RGS6: variants seen among roughly 807,000 people sequenced by gnomAD.
RGS6 encodes the protein regulator of G-protein signaling 6.
Under a neutral mutation model 78.5 loss-of-function variants are expected in RGS6, and 30 were observed. The ratio of observed to expected loss-of-function variants is 0.38; its 90% CI spans 0.29 to 0.52. RGS6 has a LOEUF of 0.52. Among genes scored for constraint, RGS6 ranks in the 20% least tolerant of loss-of-function variants. The pLI, the probability that RGS6 is intolerant of heterozygous loss-of-function variation, is 0.85. For synonymous variants in RGS6, 206 were observed against 206.0 expected, an observed-to-expected ratio of 1.00 and a Z score of 0.00; for missense variants, 495 against 609.7, an observed-to-expected ratio of 0.81 and a Z score of 1.98.
At chr14:71,910,416 CT>C in the RGS6 span, among the ~76,000 whole-genome samples, 1 of 152,196 alleles carries the variant, frequency 6.6e-6, no homozygotes, top group East Asian at 1.9e-4. Context: ...GACTGCTTCT[CT>C]TTGTCCTGTC....
chr14:72,562,124 T>C (rs1234322878), intron 17 of RGS6, among the ~76,000 whole-genome samples: 1 of 152,312 alleles, frequency 6.6e-6, no homozygotes, highest in East Asian at 1.9e-4. Flanking sequence ...AAGGTTTAAA[T>C]ACCTGGTTTT....
intron 2 of RGS6, among the ~76,000 whole-genome samples, chr14:71,981,498 G>C (rs1595609570): frequency 6.6e-6 from 1 of 151,694 alleles, no homozygotes; most frequent in Non-Finnish European, 1.5e-5. Flanking sequence ...CTCAGCTGCA[G>C]GTCTGTTGGA....
chr14:72,507,741 T>C (rs10142423), intron 13 of RGS6, among the ~76,000 whole-genome samples: 2,124 of 152,258 alleles, frequency 0.014, 42 homozygotes, highest in African/African-American at 0.047. Context: ...CACTACAAAG[T>C]CTGAGTGAAT....
chr14:72,400,787 C>T (rs567299007), intron 3 of RGS6, among the ~76,000 whole-genome samples: 2 of 152,248 alleles, frequency 1.3e-5, no homozygotes, highest in Non-Finnish European at 2.9e-5. Flanking sequence ...AGCCCATCCT[C>T]CACCTACCTT....
the RGS6 span, among the ~76,000 whole-genome samples, chr14:71,875,309 C>G: frequency 6.6e-6 from 1 of 152,128 alleles, no homozygotes; most frequent in African/African-American, 2.4e-5. Context: ...TTAATTATTG[C>G]CTCAATTTCA....
chr14:72,409,144 A>C (rs760591756), intron 3 of RGS6, among the ~76,000 whole-genome samples: 1 of 152,214 alleles, frequency 6.6e-6, no homozygotes, highest in Non-Finnish European at 1.5e-5. Flanking sequence ...AGTCAACAAA[A>C]ATGGAACCTG....
chr14:71,924,390 T>A, the RGS6 span, among the ~76,000 whole-genome samples: 1 of 152,252 alleles, frequency 6.6e-6, no homozygotes, highest in Non-Finnish European at 1.5e-5. Context: ...ACCTTTTTGG[T>A]GTGCTTGGTT....
At chr14:72,042,129 C>CTTTTTTTTTTTTTT (rs202194668) in intron 2 of RGS6, among the ~76,000 whole-genome samples, 1 of 134,522 alleles carries the variant, frequency 7.4e-6, no homozygotes, top group African/African-American at 2.7e-5. Context: ...TTTTCTTTTT[C>CTTTTTTTTTTTTTT]TTTTTTTTTT....
intron 3 of RGS6, among the ~76,000 whole-genome samples, chr14:72,453,611 GTCTCAAAAA>G (rs2095552361): frequency 1.3e-5 from 1 of 75,010 alleles, no homozygotes; most frequent in Admixed American, 2.0e-4. Context: ...GCGAGACTCC[GTCTCAAAAA>G]AAAAAAAAAA....
At chr14:72,385,594 G>A (rs1596545902) in intron 3 of RGS6, among the ~76,000 whole-genome samples, 1 of 152,096 alleles carries the variant, frequency 6.6e-6, no homozygotes, top group Non-Finnish European at 1.5e-5. Flanking sequence ...GGTATGTGGG[G>A]GCCTTTTGAT....
At chr14:71,981,400 C>A (rs1311164942) in intron 2 of RGS6, among the ~76,000 whole-genome samples, 3 of 152,274 alleles carry the variant, frequency 2.0e-5, no homozygotes, top group East Asian at 3.9e-4. Context: ...GTTTTATCTG[C>A]TTTTGGTGTT....
rs1400537881 is a variant in RGS6 at position 72,472,888 on chromosome 14, G to A, written c.553G>A (p.Asp185Asn). ...EAQVKIDRKK[D>N]KTERKILDSQ... ...CTCTTTCAGGATTGACCGGAAAAAA[G>A]ACAAGACAGAAAGGAAAATTTTGGA... is the stretch of plus-strand genomic sequence containing the variant. Residue 185 changes from aspartate to asparagine, a missense_variant, in exon 9 of 18, where the codon GAC (aspartate) becomes AAC (asparagine). By Grantham distance (23) the Asp-to-Asn change is conservative. Coordinates refer to ENST00000553525, the MANE Select transcript of RGS6 (RefSeq NM_001204424.2). 1.2e-6 allele frequency: 2 copies of A among 1,612,768 alleles called. No homozygotes were observed. Among genetic ancestry groups the A allele is most frequent in the African/African-American group, 2.7e-5 (2 of 74,924 alleles).
At chr14:72,611,145 C>T in the RGS6 span, among the ~76,000 whole-genome samples, 1 of 152,180 alleles carries the variant, frequency 6.6e-6, no homozygotes, top group Non-Finnish European at 1.5e-5. Context: ...AGCTCTGAGC[C>T]AACATCCACA....
rs562688210 is a variant in RGS6, at chr14:72,418,040, T to G, written c.185-36488T>G. 2.0e-5 allele frequency among the ~76,000 whole-genome samples: 3 copies of G among 152,194 alleles called. No individual in the cohort carries two copies. The South Asian group carries it at 6.2e-4, about 32-fold the overall frequency. ...GTTTCCATCATTCTCCCACCTTTCC[T>G]CCATCTGCCTGTCCCCACCTGGACA... On this transcript the variant is annotated intron_variant, in intron 3 of 17. Transcript: ENST00000553525.
At chr14:72,040,821 T>G (rs2092332190) in intron 2 of RGS6, among the ~76,000 whole-genome samples, 1 of 152,166 alleles carries the variant, frequency 6.6e-6, no homozygotes, top group Admixed American at 6.5e-5. Flanking sequence ...AATTCATTGA[T>G]TCTGTTTTGC....
Position 72,296,869 on chromosome 14 carries a change from TTTATC to T in RGS6, c.85-55221_85-55217del, listed in dbSNP as rs1245622331. Among the ~76,000 whole-genome samples, 4 of 152,178 alleles carry T rather than the reference TTTATC, an allele frequency of 2.6e-5. No homozygotes were observed. The South Asian group carries it at 6.2e-4, about 24-fold the overall frequency. ...CTTGCCTTCCTCAAAGTCACAAAGA[TTTATC>T]TTATATTTTCTTCTAGAATATTTAT... On this transcript the variant is annotated intron_variant, in intron 2 of 17. Transcript: ENST00000553525.
intron 2 of RGS6, among the ~76,000 whole-genome samples, chr14:72,029,581 A>G (rs2090500174): frequency 6.6e-6 from 1 of 152,236 alleles, no homozygotes; most frequent in Admixed American, 6.5e-5. Flanking sequence ...CTGCAGGAGC[A>G]GGAACTGAAC....
intron 2 of RGS6, among the ~76,000 whole-genome samples, chr14:72,106,046 C>G (rs2095625645): frequency 6.6e-6 from 1 of 152,260 alleles, no homozygotes; most frequent in Admixed American, 6.5e-5. Flanking sequence ...GAAAAAGATC[C>G]AGAGGTCGCA....
chr14:72,564,271 G>C lies in RGS6; in HGVS notation c.*1804G>C, dbSNP rs1194898365. On this transcript the variant is annotated 3_prime_UTR_variant, in exon 18 of 18. Coordinates refer to ENST00000553525, the MANE Select transcript of RGS6 (RefSeq NM_001204424.2). ...TCTCTTGGAGGTACAGTGGAAACCA[G>C]AGAGATGACAGATGTTGAGTCCTCA... The C allele has an allele frequency of 6.6e-6, 1 of 152,232 alleles. No individual in the cohort carries two copies. The highest frequency in any genetic ancestry group is 1.5e-5 in the Non-Finnish European group (1 of 68,050). 9.4% of individuals were successfully genotyped at this position (152,232 alleles called of 1,614,324 possible).
Sources: gnomAD v4.1 joint callset for allele counts (sites outside exome capture counted in the v4.1 genomes callset) on GRCh38, gnomAD v4.1.1 for gene constraint, MANE v1.5 for transcripts, NCBI Gene and HGNC (gene_info 2026-07-23, HGNC 2026-07-21) for gene names.